EIF3CL: variants seen among roughly 807,000 people sequenced by gnomAD.
EIF3CL encodes the protein eukaryotic translation initiation factor 3 subunit C-like protein.
For synonymous variants in EIF3CL, 2 were observed against 19.6 expected, an observed-to-expected ratio of 0.10 and a Z score of 2.37; for missense variants, 5 against 56.1, an observed-to-expected ratio of 0.09 and a Z score of 2.91.
At chr16:28,415,113 C>T in the EIF3CL span, 1 of 323,504 alleles carries the variant, frequency 3.1e-6, no homozygotes, top group South Asian at 2.1e-5. Context: ...TCCTGGCTTC[C>T]TCCACTTCCG....
At chr16:28,419,305 C>T in the EIF3CL span, among the ~76,000 whole-genome samples, 4 of 150,802 alleles carry the variant, frequency 2.7e-5, no homozygotes, top group East Asian at 7.7e-4. Context: ...TGCGCCCAGC[C>T]CTCTGGTTAA....
chr16:28,417,854 G>GT, the EIF3CL span, among the ~76,000 whole-genome samples: 12 of 140,598 alleles, frequency 8.5e-5, no homozygotes, highest in Non-Finnish European at 1.7e-4. Context: ...CTCAAATAAA[G>GT]TTTGCACTTT....
Position 28,391,903 on chromosome 16 carries a change from C to G in EIF3CL, c.940-48G>C. On this transcript the variant is annotated intron_variant, in intron 9 of 20. Transcript: ENST00000380876. ...ATGTACATGCCAGCGGGAAACTGTCCTTGCCTTTTCCCCACAAGGGGACCT... is the reference window on the plus strand; with the variant it reads ...ATGTACATGCCAGCGGGAAACTGTCGTTGCCTTTTCCCCACAAGGGGACCT... The G allele has an allele frequency of 2.2e-6, 3 of 1,394,126 alleles. 1 individual carries two copies. Among genetic ancestry groups the G allele is most frequent in the Non-Finnish European group, 2.9e-6 (3 of 1,023,258 alleles). The allele number at this position is 1,394,126 out of a possible 1,614,324, so 86.4% of individuals were successfully genotyped here.
chr16:28,416,688 G>A, the EIF3CL span, among the ~76,000 whole-genome samples: 2 of 114,488 alleles, frequency 1.7e-5, no homozygotes, highest in African/African-American at 6.3e-5. Flanking sequence ...GTCTCCGCCC[G>A]GCAGCCACCC....
chr16:28,417,870 T>A, the EIF3CL span, among the ~76,000 whole-genome samples: 6 of 73,846 alleles, frequency 8.1e-5, no homozygotes, highest in Admixed American at 2.0e-4. Flanking sequence ...ACTTTAGGAA[T>A]GCAAAAAAAA....
the EIF3CL span, among the ~76,000 whole-genome samples, chr16:28,418,649 TGAC>T: frequency 3.4e-5 from 5 of 148,984 alleles, no homozygotes; most frequent in East Asian, 9.9e-4. Context: ...TTTTTTTTTT[TGAC>T]ACAGTTTCGC....
chr16:28,384,800 G>T (rs2045591352), intron 15 of EIF3CL, among the ~76,000 whole-genome samples: 1 of 108,700 alleles, frequency 9.2e-6, no homozygotes, highest in Non-Finnish European at 1.9e-5. Flanking sequence ...TGGGGGAAAA[G>T]GCTAAGTGTA....
chr16:28,416,706 G>C, the EIF3CL span, among the ~76,000 whole-genome samples: 1 of 122,024 alleles, frequency 8.2e-6, no homozygotes, highest in South Asian at 2.3e-4. Context: ...CCCCATCTGG[G>C]AAGTGAGGAG....
chr16:28,423,741 C>G, the EIF3CL span, among the ~76,000 whole-genome samples: 1 of 79,226 alleles, frequency 1.3e-5, no homozygotes, highest in Non-Finnish European at 2.8e-5. Flanking sequence ...GCTTTAAACA[C>G]CTTACATTTG....
the EIF3CL span, among the ~76,000 whole-genome samples, chr16:28,419,430 GC>G: frequency 1.4e-5 from 2 of 146,574 alleles, no homozygotes; most frequent in African/African-American, 5.1e-5. Context: ...GCCATAGATG[GC>G]TATTCCTATT....
the EIF3CL span, among the ~76,000 whole-genome samples, chr16:28,417,179 C>G: frequency 6.9e-6 from 1 of 144,896 alleles, no homozygotes; most frequent in Non-Finnish European, 1.5e-5. Context: ...CCGCCCCGTC[C>G]GGGAGGGAGG....
At chr16:28,396,687 A>C (rs1330665768) in intron 8 of EIF3CL, among the ~76,000 whole-genome samples, 1 of 80,914 alleles carries the variant, frequency 1.2e-5, no homozygotes, top group African/African-American at 3.3e-5. Context: ...AAAAAAAAAA[A>C]AAACTTTAAA....
chr16:28,418,035 C>T, the EIF3CL span, among the ~76,000 whole-genome samples: 1 of 145,044 alleles, frequency 6.9e-6, no homozygotes, highest in Admixed American at 6.8e-5. Flanking sequence ...AGGAGTGAGA[C>T]TCTGTCTCAA....
At chr16:28,414,769 C>T in the EIF3CL span, 30 of 431,500 alleles carry the variant, frequency 7.0e-5, 1 homozygote, top group African/African-American at 5.9e-4. Context: ...GCAGCTTGGC[C>T]CTGGTGGCCT....
chr16:28,414,671 A>C, the EIF3CL span: 5 of 335,842 alleles, frequency 1.5e-5, no homozygotes, highest in South Asian at 9.0e-5. Context: ...ACGAGCTGGA[A>C]GCCTCCACGG....
the EIF3CL span, among the ~76,000 whole-genome samples, chr16:28,416,906 C>T: frequency 4.2e-5 from 4 of 95,228 alleles, no homozygotes; most frequent in African/African-American, 7.8e-5. Context: ...CCCCCCCGCC[C>T]GGCCAGCCGC....
At chr16:28,402,104 TCA>T (rs2045658634) in intron 2 of EIF3CL, among the ~76,000 whole-genome samples, 1 of 53,270 alleles carries the variant, frequency 1.9e-5, no homozygotes, top group African/African-American at 8.1e-5. Context: ...GACCACAGGC[TCA>T]CAGTCAGCAA....
chr16:28,422,792 G>A, the EIF3CL span, among the ~76,000 whole-genome samples: 1 of 127,184 alleles, frequency 7.9e-6, no homozygotes. Context: ...AGCTGAGATA[G>A]CACCACTGCA....
At chr16:28,425,545 C>G in the EIF3CL span, among the ~76,000 whole-genome samples, 2 of 107,128 alleles carry the variant, frequency 1.9e-5, 1 homozygote, top group Non-Finnish European at 3.8e-5. Flanking sequence ...CACAGATTAC[C>G]GACGTCCAGT....
Sources: allele counts gnomAD v4.1 joint callset (sites outside exome capture counted in the v4.1 genomes callset), GRCh38; gene constraint gnomAD v4.1.1; transcripts MANE v1.5; gene names NCBI Gene and HGNC (gene_info 2026-07-23, HGNC 2026-07-21).